The following RTN3 variants were observed in gnomAD, a reference collection of about 807,000 sequenced individuals.
The protein encoded by RTN3 is reticulon-3.
A neutral mutation model predicts 77.8 loss-of-function variants in RTN3; 49 were observed. The observed-to-expected ratio is 0.63, with a 90% CI of 0.50 to 0.80. The LOEUF (loss-of-function observed/expected upper bound fraction) is 0.80. Ranked by LOEUF, RTN3 falls within the 30% of genes least tolerant of loss-of-function variation. The pLI, the probability that RTN3 is intolerant of heterozygous loss-of-function variation, is 0.00. For missense variants in RTN3, 1,236 were observed against 1,211.9 expected (o/e 1.02, Z -0.29); for synonymous variants, 464 against 446.9 (o/e 1.04, Z -0.48).
In RTN3 at chr11:63,759,770, CTG is replaced by C. The variant is rs1321513902; in HGVS notation, c.*1575_*1576del. On this transcript the variant is annotated 3_prime_UTR_variant, in exon 9 of 9. Coordinates refer to ENST00000377819, the MANE Select transcript of RTN3 (RefSeq NM_001265589.2). ...TATAGATGAAAAATTACTAATGAAA[CTG>C]TGTGTACGTGTCTGTGCGTGCAACA... 6 of 150,022 alleles carry C rather than the reference CTG, an allele frequency of 4.0e-5. 1 individual carries two copies. The highest frequency in any genetic ancestry group is 4.4e-5 in the Non-Finnish European group (3 of 67,756). The allele number at this position is 150,022 out of a possible 1,614,324, so 9.3% of individuals were successfully genotyped here.
intron 1 of RTN3, among the ~76,000 whole-genome samples, chr11:63,692,630 A>G (rs888461677): frequency 6.6e-6 from 1 of 152,004 alleles, no homozygotes; most frequent in Non-Finnish European, 1.5e-5. Flanking sequence ...GCGTGGTGGC[A>G]TGCGCCTGTA....
intron 1 of RTN3, among the ~76,000 whole-genome samples, chr11:63,690,218 T>G (rs1399488302): frequency 6.6e-6 from 1 of 152,214 alleles, no homozygotes; most frequent in Non-Finnish European, 1.5e-5. Context: ...CTGGAAAACC[T>G]TTTGTTATGA....
intron 4 of RTN3, chr11:63,750,428 G>T: frequency 1.9e-6 from 1 of 518,720 alleles, no homozygotes; most frequent in East Asian, 3.2e-5. Flanking sequence ...GTTCAAAGAG[G>T]GAGTCCTTCA....
intron 2 of RTN3, among the ~76,000 whole-genome samples, chr11:63,712,311 G>A (rs2011181173): frequency 6.6e-6 from 1 of 152,008 alleles, no homozygotes; most frequent in Non-Finnish European, 1.5e-5. Flanking sequence ...GGTGTTTGGG[G>A]ACATTTATTG....
rs1213111188 is a variant in RTN3 at position 63,719,958 on chromosome 11, T to C, written c.1456T>C (p.Ser486Pro). The change falls in exon 3 of 9, where the codon TCT (serine) becomes CCT (proline). Residue 486 changes from serine to proline, a missense_variant. By Grantham distance (74) the Ser-to-Pro change is moderately conservative (BLOSUM62 -1). This residue lies in a region of RTN3 where 1,056 missense variants were observed against 990.4 expected (regional missense o/e 1.07). Coordinates refer to ENST00000377819, the MANE Select transcript of RTN3 (RefSeq NM_001265589.2). ...HLKDEMDWQS[S>P]ALGEITEADS... Reference sequence around the variant, plus strand: ...GAAAGATGAAATGGACTGGCAGAGCTCTGCATTGGGAGAAATCACAGAAGC... The same window carrying C: ...GAAAGATGAAATGGACTGGCAGAGCCCTGCATTGGGAGAAATCACAGAAGC... 2.5e-6 allele frequency: 4 copies of C among 1,614,156 alleles called. No homozygotes were observed. Among genetic ancestry groups the C allele is most frequent in the Non-Finnish European group, 3.4e-6 (4 of 1,180,020 alleles).
At chr11:63,730,308 A>G (rs1490835981) in intron 3 of RTN3, among the ~76,000 whole-genome samples, 1 of 152,224 alleles carries the variant, frequency 6.6e-6, no homozygotes, top group African/African-American at 2.4e-5. Flanking sequence ...TTGAAAGTAA[A>G]TGGATGGAAA....
In RTN3 at chr11:63,757,304, C is replaced by T. The variant is rs2959888; in HGVS notation, c.3054-852C>T. 6.6e-3 allele frequency among the ~76,000 whole-genome samples: 1,007 copies of T among 152,158 alleles called. 11 individuals are homozygous for T. The highest frequency in any genetic ancestry group is 0.023 in the African/African-American group (953 of 41,532). On this transcript the variant is annotated intron_variant, in intron 8 of 8. Transcript: ENST00000377819. ...GTTTTCTTCTTTTTACTTTTTTTCC[C>T]CATACCTAGAGGACAGTATTTTTTT... is the stretch of plus-strand genomic sequence containing the variant.
At chr11:63,710,168 G>C (rs1942682180) in intron 2 of RTN3, among the ~76,000 whole-genome samples, 1 of 152,080 alleles carries the variant, frequency 6.6e-6, no homozygotes, top group South Asian at 2.1e-4. Context: ...CAATTCAAAT[G>C]TATTTACTCA....
intron 3 of RTN3, among the ~76,000 whole-genome samples, chr11:63,730,776 A>C (rs1230556212): frequency 6.6e-6 from 1 of 152,172 alleles, no homozygotes; most frequent in East Asian, 1.9e-4. Flanking sequence ...CCATGATCAC[A>C]CCACTGCACT....
At position 63,737,533 on chromosome 11, in the gene RTN3, C is replaced by T. The variant is rs142272969; in HGVS notation, c.2531-12458C>T. On this transcript the variant is annotated intron_variant, in intron 3 of 8. Transcript: ENST00000377819. ...ACTGAGGGAAGAGAATCACTTGAAC[C>T]CAGGAGGCAGAGGTTGCAGTGAGCT... Among the ~76,000 whole-genome samples the T allele has an allele frequency of 1.9e-3, 286 of 152,226 alleles. 4 individuals carry two copies. In the East Asian group the frequency reaches 0.047, roughly 25 times the overall value.
At chr11:63,694,338 G>A (rs377238530) in intron 1 of RTN3, among the ~76,000 whole-genome samples, 15 of 151,896 alleles carry the variant, frequency 9.9e-5, no homozygotes, top group South Asian at 6.2e-4. Flanking sequence ...CACCACGTCC[G>A]GCTAATTTTG....
chr11:63,738,574 C>T (rs771660932), intron 3 of RTN3, among the ~76,000 whole-genome samples: 4 of 147,864 alleles, frequency 2.7e-5, no homozygotes, highest in Non-Finnish European at 4.4e-5. Context: ...CTCGGGAAGT[C>T]GAGGCTACAG....
At chr11:63,700,983 G>A (rs1046105408) in intron 1 of RTN3, among the ~76,000 whole-genome samples, 1 of 151,566 alleles carries the variant, frequency 6.6e-6, no homozygotes, top group Admixed American at 6.6e-5. Flanking sequence ...CCAGCTACTC[G>A]GGAGGCTGAG....
chr11:63,720,201 G>A lies in RTN3; in HGVS notation c.1699G>A (p.Asp567Asn), dbSNP rs146654581. 6.8e-5 allele frequency: 109 copies of A among 1,614,116 alleles called. 1 individual carries two copies. The African/African-American group carries it at 1.3e-3, about 19-fold the overall frequency. The change falls in exon 3 of 9, where the codon GAT (aspartate) becomes AAT (asparagine). Residue 567 changes from aspartate (D) to asparagine (N), a missense_variant. Transcript: ENST00000377819. The part of the protein sequence containing the change: ...ELVSDSELHQ[D>N]QPDILGRSPA... Reference sequence around the variant, plus strand: ...GGTCAGTGACTCTGAGCTGCATCAAGATCAGCCTGATATTCTTGGAAGGAG... The same window carrying A: ...GGTCAGTGACTCTGAGCTGCATCAAAATCAGCCTGATATTCTTGGAAGGAG...
intron 1 of RTN3, among the ~76,000 whole-genome samples, chr11:63,684,885 G>C (rs1941283940): frequency 6.6e-6 from 1 of 151,786 alleles, no homozygotes; most frequent in African/African-American, 2.4e-5. Context: ...TTAGCCTCCT[G>C]AGTAGGTGGG....
At position 63,681,648 on chromosome 11, in the gene RTN3, G is replaced by A; in HGVS notation, c.12G>A (p.Pro4=). 1 of 1,592,984 alleles carries A rather than the reference G, an allele frequency of 6.3e-7. No individual in the cohort carries two copies. The highest frequency in any genetic ancestry group is 8.6e-7 in the Non-Finnish European group (1 of 1,168,530). The change falls in exon 1 of 9, where the codon CCG becomes CCA. Residue 4 remains proline, a synonymous_variant. Transcript: ENST00000377819. MAE[P]SAATQSHSIS... is the part of the protein sequence containing the mutation. ...TCGCTCGCGTAGCCATGGCGGAGCC[G>A]TCGGCGGCCACTCAGTCCCATTCCA...
At position 63,752,954 on chromosome 11, in the gene RTN3, A is replaced by G. The variant is rs931626479; in HGVS notation, c.2878-115A>G. ...GGGAACCTTCATTTGGAAATTGTCC[A>G]TGTCACACATCACTAAATTTATGCA... On this transcript the variant is annotated intron_variant, in intron 5 of 8. Transcript: ENST00000377819. 16 of 1,008,592 alleles carry G rather than the reference A, an allele frequency of 1.6e-5. No homozygotes were observed. The African/African-American group carries it at 2.2e-4, about 14-fold the overall frequency. 62.5% of individuals were successfully genotyped at this position (1,008,592 alleles called of 1,614,324 possible).
At chr11:63,743,330 T>C (rs1427025503) in intron 3 of RTN3, among the ~76,000 whole-genome samples, 1 of 152,244 alleles carries the variant, frequency 6.6e-6, no homozygotes, top group Non-Finnish European at 1.5e-5. Context: ...AGATTACCTT[T>C]ATCAAGTTGA....
At chr11:63,704,343 C>G (rs936823443) in intron 1 of RTN3, among the ~76,000 whole-genome samples, 3 of 152,070 alleles carry the variant, frequency 2.0e-5, no homozygotes, top group African/African-American at 7.2e-5. Context: ...CTCATGTAGT[C>G]CTGTCTTCCC....
Sources: gnomAD v4.1 joint callset for allele counts (sites outside exome capture counted in the v4.1 genomes callset) on GRCh38, gnomAD v4.1.1 for gene constraint, gnomAD v4.1.1 regional missense constraint, MANE v1.5 for transcripts, NCBI Gene and HGNC (gene_info 2026-07-23, HGNC 2026-07-21) for gene names.